The following PNMA6E variants were observed in gnomAD, a reference collection of about 807,000 sequenced individuals.
PNMA6E encodes the protein PNMA family member 6E.
For synonymous variants in PNMA6E, 43 were observed against 17.1 expected, an observed-to-expected ratio of 2.52 and a Z score of -3.74; for missense variants, 78 against 50.8, an observed-to-expected ratio of 1.53 and a Z score of -1.63.
At chrX:153,399,308 GT>G (rs1220417737) in intron 1 of PNMA6E, among the ~76,000 whole-genome samples, 3 of 70,749 alleles carry the variant, frequency 4.2e-5, no homozygotes, top group African/African-American at 1.0e-4. Context: ...TCTCTTGTGT[GT>G]TGTGTGTGTG....
chrX:153,405,075 C>T (rs1159705994), upstream of PNMA6E, among the ~76,000 whole-genome samples: 1 of 112,833 alleles, frequency 8.9e-6, no homozygotes, highest in East Asian at 2.8e-4. Context: ...TAAGTTTTAA[C>T]AAGATCCCTG....
upstream of PNMA6E, among the ~76,000 whole-genome samples, chrX:153,403,531 C>A (rs1326671053): frequency 8.9e-6 from 1 of 112,112 alleles, no homozygotes; most frequent in African/African-American, 3.2e-5. Context: ...TGACTTACTA[C>A]TGGTTTGTCA....
the PNMA6E span, among the ~76,000 whole-genome samples, chrX:153,410,210 G>C: frequency 1.8e-5 from 2 of 111,590 alleles, no homozygotes; most frequent in Non-Finnish European, 3.8e-5. Flanking sequence ...TAAGGAAACT[G>C]TCCTTGGATT....
At chrX:153,405,593 A>T (rs1197665101), upstream of PNMA6E, among the ~76,000 whole-genome samples, 52 of 75,192 alleles carry the variant, frequency 6.9e-4, no homozygotes, top group Non-Finnish European at 1.1e-3. Context: ...CCACACACAC[A>T]TAGATCCCCC....
At chrX:153,408,412 C>T in the PNMA6E span, among the ~76,000 whole-genome samples, 3 of 112,725 alleles carry the variant, frequency 2.7e-5, no homozygotes, top group Non-Finnish European at 3.8e-5. Context: ...CTACCGGCCT[C>T]ATCCTGAGGG....
chrX:153,408,474 C>A, the PNMA6E span, among the ~76,000 whole-genome samples: 1 of 112,547 alleles, frequency 8.9e-6, no homozygotes, highest in Admixed American at 9.3e-5. Flanking sequence ...CCACATGACA[C>A]AAGGCATTCT....
At chrX:153,412,040 T>A in the PNMA6E span, among the ~76,000 whole-genome samples, 3 of 112,661 alleles carry the variant, frequency 2.7e-5, no homozygotes, top group Admixed American at 9.3e-5. Flanking sequence ...CACCTCTGGG[T>A]GTGAGAGTGC....
intron 1 of PNMA6E, among the ~76,000 whole-genome samples, chrX:153,400,789 G>C (rs1420770932): frequency 7.2e-4 from 71 of 98,231 alleles, no homozygotes; most frequent in African/African-American, 2.5e-3. Flanking sequence ...GCTCTCCCAC[G>C]TGGCGCTCCA....
the PNMA6E span, among the ~76,000 whole-genome samples, chrX:153,411,294 G>A: frequency 8.9e-6 from 1 of 112,819 alleles, no homozygotes; most frequent in Non-Finnish European, 1.9e-5. Context: ...TGACCACTTC[G>A]ACCCCAGCCT....
intron 1 of PNMA6E, among the ~76,000 whole-genome samples, chrX:153,399,578 G>A (rs1569529105): frequency 1.8e-5 from 2 of 111,078 alleles, no homozygotes; most frequent in Admixed American, 1.9e-4. Context: ...GAACTCCTGG[G>A]CTCAGGCAAT....
At chrX:153,400,618 C>T (rs182045316) in intron 1 of PNMA6E, among the ~76,000 whole-genome samples, 2 of 107,737 alleles carry the variant, frequency 1.9e-5, no homozygotes, top group Admixed American at 9.7e-5. Context: ...GGGCACCCTC[C>T]GCTCTGGTCG....
At chrX:153,401,454 C>T (rs934624667), upstream of PNMA6E, 8 of 111,539 alleles carry the variant, frequency 7.2e-5, no homozygotes, top group African/African-American at 2.3e-4. Flanking sequence ...AGACTGGTGT[C>T]GCTATGCAAG....
upstream of PNMA6E, chrX:153,403,978 C>T (rs1556971775): frequency 1.2e-5 from 1 of 83,586 alleles, no homozygotes; most frequent in Non-Finnish European, 2.4e-5. Flanking sequence ...TAGAAGCATG[C>T]TTCTTTTTTT....
chrX:153,411,440 C>T, the PNMA6E span, among the ~76,000 whole-genome samples: 2 of 112,305 alleles, frequency 1.8e-5, no homozygotes, highest in Non-Finnish European at 3.8e-5. Context: ...CCACAACGCG[C>T]CCCGTTCCCA....
the PNMA6E span, among the ~76,000 whole-genome samples, chrX:153,409,149 C>T: frequency 2.6e-5 from 3 of 113,219 alleles, no homozygotes; most frequent in Non-Finnish European, 1.9e-5. Flanking sequence ...GCTACCTCAC[C>T]TGCCCGTCCT....
At chrX:153,404,667 T>G (rs1222255892), upstream of PNMA6E, among the ~76,000 whole-genome samples, 4 of 112,331 alleles carry the variant, frequency 3.6e-5, no homozygotes, top group African/African-American at 9.7e-5. Flanking sequence ...TCTTGGACTC[T>G]GCCTTGTGTA....
At chrX:153,410,190 C>T in the PNMA6E span, among the ~76,000 whole-genome samples, 4 of 111,573 alleles carry the variant, frequency 3.6e-5, no homozygotes, top group African/African-American at 6.5e-5. Flanking sequence ...TCTCTCTCTC[C>T]TGTCTCTTCT....
chrX:153,400,396 G>A (rs1395653866), intron 1 of PNMA6E, among the ~76,000 whole-genome samples: 3 of 112,046 alleles, frequency 2.7e-5, no homozygotes, highest in South Asian at 3.7e-4. Context: ...ATCCCCCACC[G>A]CACACCGGGG....
the PNMA6E span, among the ~76,000 whole-genome samples, chrX:153,411,801 GGCGGCGA>G: frequency 1.8e-5 from 2 of 112,446 alleles, no homozygotes; most frequent in African/African-American, 3.2e-5. Context: ...GAGCTGCGGC[GGCGGCGA>G]CAAGCAGGGA....
Sources: allele counts gnomAD v4.1 joint callset (sites outside exome capture counted in the v4.1 genomes callset), GRCh38; gene constraint gnomAD v4.1.1; transcripts MANE v1.5; gene names NCBI Gene and HGNC (gene_info 2026-07-23, HGNC 2026-07-21).